MOB1A: variants seen among roughly 807,000 people sequenced by gnomAD.
MOB1A encodes the protein MOB kinase activator 1A.
A neutral mutation model predicts 25.1 loss-of-function variants in MOB1A; 10 were observed. The ratio of observed to expected loss-of-function variants is 0.40; its 90% CI spans 0.25 to 0.68. MOB1A has a LOEUF of 0.68. MOB1A is among the 30% of genes least tolerant of loss of function. The probability of loss-of-function intolerance (pLI) is 0.40; values close to 1 mark genes in which losing one functional copy is unlikely to be tolerated. For missense variants in MOB1A, 177 were observed against 256.3 expected, an observed-to-expected ratio of 0.69 and a Z score of 2.11; for synonymous variants, 81 against 79.5, an observed-to-expected ratio of 1.02 and a Z score of -0.10.
At chr2:74,171,396 G>A (rs1572964349) in intron 2 of MOB1A, among the ~76,000 whole-genome samples, 1 of 152,164 alleles carries the variant, frequency 6.6e-6, no homozygotes, top group Non-Finnish European at 1.5e-5. Flanking sequence ...GGATGGCATT[G>A]TCATTATCTT....
chr2:74,169,149 G>A (rs1693211701), intron 2 of MOB1A, among the ~76,000 whole-genome samples: 1 of 152,150 alleles, frequency 6.6e-6, no homozygotes, highest in Non-Finnish European at 1.5e-5. Flanking sequence ...ATGGAAAATA[G>A]TCATTTTTCG....
chr2:74,172,925 C>G, intron 1 of MOB1A, 173 bp from the exon 2 acceptor site: 1 of 662,592 alleles, frequency 1.5e-6, no homozygotes, highest in Non-Finnish European at 2.6e-6. Flanking sequence ...CACCTGAGGT[C>G]AGGAGTTCAA....
intron 3 of MOB1A, among the ~76,000 whole-genome samples, chr2:74,165,684 T>C (rs1247121747): frequency 3.9e-5 from 6 of 152,236 alleles, no homozygotes; most frequent in Non-Finnish European, 5.9e-5. Flanking sequence ...ATGGATCCAC[T>C]ACATTCTTCT....
At chr2:74,161,523 C>A (rs1692972016) in intron 4 of MOB1A, among the ~76,000 whole-genome samples, 2 of 151,882 alleles carry the variant, frequency 1.3e-5, no homozygotes, top group Non-Finnish European at 2.9e-5. Context: ...CACCTGTAGT[C>A]CCAGCTACTC....
chr2:74,175,975 G>A (rs982743000), intron 1 of MOB1A, among the ~76,000 whole-genome samples: 1 of 151,910 alleles, frequency 6.6e-6, no homozygotes, highest in Admixed American at 6.6e-5. Context: ...GCCGGGTGCA[G>A]TGGCTCACAC....
intron 2 of MOB1A, among the ~76,000 whole-genome samples, chr2:74,168,524 TC>T (rs924932728): frequency 6.6e-6 from 1 of 152,152 alleles, no homozygotes; most frequent in African/African-American, 2.4e-5. Flanking sequence ...ACGCCTGTAG[TC>T]CCAGCTACTC....
intron 3 of MOB1A, 150 bp from the exon 4 acceptor site, chr2:74,165,501 G>C (rs1693104827): frequency 1.2e-5 from 6 of 481,896 alleles, no homozygotes; most frequent in Non-Finnish European, 2.1e-5. Flanking sequence ...ATTACTGTGA[G>C]TTCCCTATGT....
chr2:74,161,502 C>T (rs1313161614), intron 4 of MOB1A, among the ~76,000 whole-genome samples: 1 of 151,920 alleles, frequency 6.6e-6, no homozygotes, highest in Non-Finnish European at 1.5e-5. Flanking sequence ...ATTAGCCAGG[C>T]GTGGTGGCGG....
intron 1 of MOB1A, among the ~76,000 whole-genome samples, chr2:74,176,591 C>T (rs941517890): frequency 2.6e-5 from 4 of 151,638 alleles, no homozygotes; most frequent in Non-Finnish European, 5.9e-5. Flanking sequence ...GGTGAAACCC[C>T]GTCTCTACTA....
intron 1 of MOB1A, among the ~76,000 whole-genome samples, chr2:74,175,721 T>A (rs1693433832): frequency 6.6e-6 from 1 of 152,212 alleles, no homozygotes; most frequent in Non-Finnish European, 1.5e-5. Context: ...GAATATTGTA[T>A]AGAAGTTAAG....
chr2:74,171,904 AAAAT>A (rs58041450), intron 2 of MOB1A, among the ~76,000 whole-genome samples: 9 of 152,112 alleles, frequency 5.9e-5, no homozygotes, highest in Non-Finnish European at 1.0e-4. Flanking sequence ...CTCCATCTCA[AAAAT>A]AAATAAATAA....
chr2:74,161,991 T>C (rs1052183909), intron 4 of MOB1A, among the ~76,000 whole-genome samples: 2 of 152,132 alleles, frequency 1.3e-5, no homozygotes, highest in African/African-American at 4.8e-5. Flanking sequence ...CAAACATCTT[T>C]TTTTATCAGA....
At chr2:74,166,936 T>A (rs961341261) in intron 3 of MOB1A, 78 bp downstream of exon 3, 2 of 1,048,682 alleles carry the variant, frequency 1.9e-6, no homozygotes, top group African/African-American at 3.2e-5. Context: ...GGATAACAAA[T>A]CTTAACTGTT....
In MOB1A at chr2:74,178,791, C is replaced by A. The variant is rs1693554688; in HGVS notation, c.-117G>T. On this transcript the variant is annotated 5_prime_UTR_variant, in exon 1 of 6. Coordinates refer to ENST00000396049, the MANE Select transcript of MOB1A (RefSeq NM_018221.5). ...ACGGGCAGCGGAAGCCGGGCCGCCG[C>A]CGCTCGGAGCCGGGTTTCTGGCCGC... The A allele has an allele frequency of 4.1e-6, 2 of 490,934 alleles. No homozygotes were observed. The highest frequency in any genetic ancestry group is 6.3e-6 in the Non-Finnish European group (2 of 319,754). The allele number at this position is 490,934 out of a possible 1,614,324, so 30.4% of individuals were successfully genotyped here. A position where few individuals can be genotyped will look rare whatever the true frequency, so the allele number is the denominator to read the frequency against.
chr2:74,158,194 A>AAAAAAG (rs1553444306), intron 5 of MOB1A, among the ~76,000 whole-genome samples: 6 of 94,372 alleles, frequency 6.4e-5, no homozygotes, highest in African/African-American at 3.4e-4. Flanking sequence ...AAAAAAAAAA[A>AAAAAAG]GAGGGGGGAA....
intron 5 of MOB1A, 28 bp from the exon 6 acceptor site, chr2:74,156,673 A>C (rs767940294): frequency 1.1e-5 from 17 of 1,484,368 alleles, no homozygotes; most frequent in African/African-American, 2.8e-5. Context: ...ATAACAATTA[A>C]AAATGGATCT....
chr2:74,169,342 A>C (rs571864984), intron 2 of MOB1A, among the ~76,000 whole-genome samples: 1 of 152,052 alleles, frequency 6.6e-6, no homozygotes, highest in East Asian at 2.0e-4. Flanking sequence ...TCTCTACTGA[A>C]AATACAAAAA....
intron 1 of MOB1A, among the ~76,000 whole-genome samples, chr2:74,173,675 G>A (rs1693365415): frequency 6.6e-6 from 1 of 151,440 alleles, no homozygotes. Flanking sequence ...GCCATGCCGG[G>A]CGCGGTGGCT....
At chr2:74,158,178 T>C (rs1572953351) in intron 5 of MOB1A, among the ~76,000 whole-genome samples, 2 of 85,026 alleles carry the variant, frequency 2.4e-5, no homozygotes, top group Admixed American at 1.6e-4. Context: ...AGACTCTGTC[T>C]CCAAAAAAAA....
Sources: gnomAD v4.1 joint callset for allele counts (sites outside exome capture counted in the v4.1 genomes callset) on GRCh38, gnomAD v4.1.1 for gene constraint, MANE v1.5 for transcripts, NCBI Gene and HGNC (gene_info 2026-07-23, HGNC 2026-07-21) for gene names.